MEIKIN: variants seen among roughly 807,000 people sequenced by gnomAD.
MEIKIN encodes the protein meiotic kinetochore factor.
intron 7 of MEIKIN, among the ~76,000 whole-genome samples, chr5:131,912,324 T>C (rs994756236): frequency 6.6e-6 from 1 of 151,426 alleles, no homozygotes; most frequent in African/African-American, 2.4e-5. Context: ...ATTATTATTA[T>C]TGAGAGAGGG....
At chr5:131,893,001 G>T (rs1038853774) in intron 8 of MEIKIN, among the ~76,000 whole-genome samples, 1 of 152,186 alleles carries the variant, frequency 6.6e-6, no homozygotes, top group Non-Finnish European at 1.5e-5. Context: ...GTTTGCCTGG[G>T]TATCAGCAGT....
At chr5:131,917,501 G>GGCTGCAGTGAGCCGAGATTGCGCC (rs1478454850) in intron 6 of MEIKIN, among the ~76,000 whole-genome samples, 3 of 150,406 alleles carry the variant, frequency 2.0e-5, no homozygotes, top group Non-Finnish European at 4.4e-5. Context: ...AGGAGGTGGA[G>GGCTGCAGTGAGCCGAGATTGCGCC]GCTGCAGTGA....
chr5:131,842,731 A>T (rs772068209), intron 11 of MEIKIN, among the ~76,000 whole-genome samples: 1 of 152,156 alleles, frequency 6.6e-6, no homozygotes, highest in Non-Finnish European at 1.5e-5. Flanking sequence ...TTTTAAGCTG[A>T]TAACAACTTA....
chr5:131,822,411 C>A lies in MEIKIN; in HGVS notation c.976-3548G>T, dbSNP rs533186581. ...TTTTCCTTTTAGTGAAGATGATTTG[C>A]TCTTGCAGTACACTTCAATTTCTTG... On this transcript the variant is annotated intron_variant, in intron 11 of 12. Coordinates refer to ENST00000442687, the MANE Select transcript of MEIKIN (RefSeq NM_001303622.2). Among the ~76,000 whole-genome samples, 4 of 151,978 alleles carry A rather than the reference C, an allele frequency of 2.6e-5. No homozygotes were observed. The East Asian group carries it at 7.7e-4, about 29-fold the overall frequency.
chr5:131,934,886 T>A (rs559692234), intron 4 of MEIKIN, among the ~76,000 whole-genome samples: 10 of 151,752 alleles, frequency 6.6e-5, no homozygotes, highest in African/African-American at 2.2e-4. Flanking sequence ...TGAAACCCCA[T>A]CTCTACTAAA....
chr5:131,858,310 A>G (rs972525949), intron 9 of MEIKIN, among the ~76,000 whole-genome samples: 3 of 152,252 alleles, frequency 2.0e-5, no homozygotes, highest in Admixed American at 1.3e-4. Flanking sequence ...GATCTTCGAC[A>G]AAGCTGACAA....
intron 9 of MEIKIN, among the ~76,000 whole-genome samples, chr5:131,863,921 T>G (rs910615274): frequency 2.6e-5 from 4 of 152,188 alleles, no homozygotes; most frequent in African/African-American, 9.7e-5. Flanking sequence ...GCCTTCTGCA[T>G]GATTGTGAGG....
intron 11 of MEIKIN, among the ~76,000 whole-genome samples, chr5:131,850,550 AG>A (rs1330329115): frequency 3.3e-5 from 5 of 152,150 alleles, no homozygotes; most frequent in Non-Finnish European, 1.5e-5. Flanking sequence ...ATTTTTGGCA[AG>A]GGGGCCAGAC....
intron 5 of MEIKIN, among the ~76,000 whole-genome samples, chr5:131,924,106 T>A (rs1310546283): frequency 6.6e-6 from 1 of 152,060 alleles, no homozygotes. Context: ...ACTGGCTTAT[T>A]TCATTTAACA....
chr5:131,935,232 A>ACCAGCCT (rs1456052983), intron 4 of MEIKIN, among the ~76,000 whole-genome samples: 2 of 145,428 alleles, frequency 1.4e-5, no homozygotes, highest in Non-Finnish European at 3.0e-5. Flanking sequence ...GGAGTTTGAG[A>ACCAGCCT]CCAGCCTGAG....
At chr5:131,884,938 C>A (rs551031642) in intron 8 of MEIKIN, among the ~76,000 whole-genome samples, 2 of 151,982 alleles carry the variant, frequency 1.3e-5, no homozygotes, top group South Asian at 4.2e-4. Flanking sequence ...GGTGAGGCTC[C>A]TCTGCCTGTG....
intron 5 of MEIKIN, among the ~76,000 whole-genome samples, chr5:131,929,137 T>C (rs1036871080): frequency 3.3e-5 from 5 of 152,252 alleles, no homozygotes; most frequent in African/African-American, 2.4e-5. Context: ...CTCTCTGATC[T>C]GTAAGGTTTC....
At chr5:131,872,513 A>T (rs6898177) in intron 9 of MEIKIN, among the ~76,000 whole-genome samples, 119,283 of 152,116 alleles carry the variant, frequency 0.78, 47,038 homozygotes, top group African/African-American at 0.83. Flanking sequence ...AGACCAAATC[A>T]ACATCTGATT....
At chr5:131,851,415 G>A (rs1750113190) in intron 10 of MEIKIN, 32 bp from the exon 11 acceptor site, 1 of 396,932 alleles carries the variant, frequency 2.5e-6, no homozygotes, top group Non-Finnish European at 4.4e-6. Flanking sequence ...TTTTGTGGAA[G>A]TTAAACATTG....
chr5:131,812,258 A>G (rs925168227), intron 12 of MEIKIN, among the ~76,000 whole-genome samples: 27 of 152,206 alleles, frequency 1.8e-4, no homozygotes, highest in Non-Finnish European at 3.4e-4. Context: ...GTTGATTTTC[A>G]CTGCTATATA....
intron 9 of MEIKIN, among the ~76,000 whole-genome samples, chr5:131,863,291 A>G (rs940225015): frequency 3.9e-5 from 6 of 152,192 alleles, no homozygotes; most frequent in Admixed American, 2.6e-4. Flanking sequence ...AAGGTTCTGT[A>G]TATGTCTGTG....
intron 11 of MEIKIN, among the ~76,000 whole-genome samples, chr5:131,830,140 A>G (rs1255226558): frequency 2.6e-5 from 4 of 152,338 alleles, no homozygotes; most frequent in Admixed American, 6.5e-5. Flanking sequence ...CTGTAATACC[A>G]GCACTTTGAG....
At chr5:131,895,406 A>G (rs1399293187) in intron 8 of MEIKIN, among the ~76,000 whole-genome samples, 1 of 152,190 alleles carries the variant, frequency 6.6e-6, no homozygotes, top group East Asian at 1.9e-4. Context: ...GCCTCATAAA[A>G]TGAGTTAGGG....
At chr5:131,842,841 A>T (rs1749939429) in intron 11 of MEIKIN, among the ~76,000 whole-genome samples, 1 of 152,212 alleles carries the variant, frequency 6.6e-6, no homozygotes, top group South Asian at 2.1e-4. Context: ...GTAGTCTTTA[A>T]CAAATGATGG....
Sources: allele counts gnomAD v4.1 joint callset (sites outside exome capture counted in the v4.1 genomes callset), GRCh38; gene constraint gnomAD v4.1.1; transcripts MANE v1.5; gene names NCBI Gene and HGNC (gene_info 2026-07-23, HGNC 2026-07-21).